Variants in SLC35F1 observed in about 807,000 individuals in gnomAD.
SLC35F1 encodes chromosome 6 open reading frame 169.
In SLC35F1, 14 loss-of-function variants were observed where a neutral mutation model predicts 48.7. The observed-to-expected ratio is 0.29, with a 90% confidence interval of 0.19 to 0.45. The LOEUF (loss-of-function observed/expected upper bound fraction) is 0.45, where lower values mean the gene tolerates loss of function less well. SLC35F1 is among the 20% of genes least tolerant of loss of function. The probability of loss-of-function intolerance (pLI) is 1.00; values close to 1 mark genes in which losing one functional copy is unlikely to be tolerated. For missense variants in SLC35F1, 404 were observed against 500.0 expected (o/e 0.81, Z 1.83); for synonymous variants, 190 against 202.2 (o/e 0.94, Z 0.51).
At chr6:118,068,069 GAGA>G (rs1273166365) in intron 1 of SLC35F1, among the ~76,000 whole-genome samples, 1 of 152,120 alleles carries the variant, frequency 6.6e-6, no homozygotes, top group Non-Finnish European at 1.5e-5. Context: ...CTGAGGGGAG[GAGA>G]AGAAGGTTCT....
chr6:118,035,659 A>G (rs1249516955), intron 1 of SLC35F1, among the ~76,000 whole-genome samples: 1 of 142,412 alleles, frequency 7.0e-6, no homozygotes, highest in African/African-American at 2.6e-5. Flanking sequence ...AACCAAAAAA[A>G]CCCCCAACAT....
At chr6:118,002,638 A>T (rs892336064) in intron 1 of SLC35F1, among the ~76,000 whole-genome samples, 1 of 151,914 alleles carries the variant, frequency 6.6e-6, no homozygotes, top group African/African-American at 2.4e-5. Context: ...ATAAAAAAAG[A>T]ATTTCTTTCT....
intron 1 of SLC35F1, among the ~76,000 whole-genome samples, chr6:118,108,960 A>G (rs12194270): frequency 0.21 from 31,217 of 152,124 alleles, 3,404 homozygotes; most frequent in East Asian, 0.32. Context: ...CTTTGAAGGC[A>G]TTTCTTCTGG....
intron 1 of SLC35F1, among the ~76,000 whole-genome samples, chr6:117,930,259 G>A (rs915177913): frequency 2.6e-5 from 4 of 152,130 alleles, no homozygotes; most frequent in African/African-American, 9.7e-5. Flanking sequence ...ATGTTGTCTG[G>A]ACTCTACATT....
At chr6:118,115,958 T>G (rs1383686224) in intron 1 of SLC35F1, among the ~76,000 whole-genome samples, 2 of 152,228 alleles carry the variant, frequency 1.3e-5, no homozygotes, top group African/African-American at 4.8e-5. Flanking sequence ...CAATATGTGT[T>G]TCTTTTTTAT....
At chr6:118,248,433 C>A (rs760462868) in intron 3 of SLC35F1, among the ~76,000 whole-genome samples, 4 of 152,138 alleles carry the variant, frequency 2.6e-5, no homozygotes, top group Non-Finnish European at 5.9e-5. Context: ...ATGTGGGTGA[C>A]CTCAATGTAA....
At position 117,907,807 on chromosome 6, in the gene SLC35F1, G is replaced by C. The variant is rs778517176; in HGVS notation, c.81G>C (p.Glu27Asp). ...CGAACCATGTGGTGACCACCATCGA[G>C]AACCTGCCGGCCGAGGGCAGCGGCG... ...APPNHVVTTIENLPAEGSGGG... is the reference protein window; with the variant it reads ...APPNHVVTTIDNLPAEGSGGG... The change falls in exon 1 of 8, where the codon GAG becomes GAC. Residue 27 changes from glutamate to aspartate, a missense_variant. Coordinates refer to ENST00000360388, the MANE Select transcript of SLC35F1 (RefSeq NM_001029858.4). 1 of 1,555,430 alleles carries C rather than the reference G, an allele frequency of 6.4e-7. No individual in the cohort carries two copies. Among genetic ancestry groups the C allele is most frequent in the Non-Finnish European group, 8.6e-7 (1 of 1,160,226 alleles).
At chr6:118,252,398 A>G (rs188070862) in intron 3 of SLC35F1, among the ~76,000 whole-genome samples, 40 of 152,232 alleles carry the variant, frequency 2.6e-4, no homozygotes, top group Middle Eastern at 3.4e-3. Context: ...AGAAAAGAAA[A>G]AGAGCCAAGA....
intron 1 of SLC35F1, among the ~76,000 whole-genome samples, chr6:117,909,035 C>G (rs1775731805): frequency 6.6e-6 from 1 of 152,290 alleles, no homozygotes; most frequent in South Asian, 2.1e-4. Flanking sequence ...TTAGTTATAT[C>G]AAATCCCGAA....
chr6:118,234,185 T>C (rs1473366460), intron 2 of SLC35F1, among the ~76,000 whole-genome samples: 1 of 152,178 alleles, frequency 6.6e-6, no homozygotes, highest in African/African-American at 2.4e-5. Flanking sequence ...TGTCACTGTT[T>C]AGGCAGCCTC....
chr6:118,263,435 A>C (rs1452447688), intron 3 of SLC35F1, among the ~76,000 whole-genome samples: 1 of 152,202 alleles, frequency 6.6e-6, no homozygotes, highest in African/African-American at 2.4e-5. Context: ...AGGAGAATAA[A>C]ATTCGTTTAA....
intron 1 of SLC35F1, among the ~76,000 whole-genome samples, chr6:118,111,114 A>G (rs1414468717): frequency 6.6e-6 from 1 of 152,204 alleles, no homozygotes; most frequent in African/African-American, 2.4e-5. Flanking sequence ...TAAAAGGTAT[A>G]TCATACATGT....
chr6:118,076,329 A>G (rs1020664206), intron 1 of SLC35F1, among the ~76,000 whole-genome samples: 5 of 152,144 alleles, frequency 3.3e-5, no homozygotes, highest in African/African-American at 1.2e-4. Flanking sequence ...ATTGTTTCCA[A>G]CATTGTTGGT....
intron 1 of SLC35F1, among the ~76,000 whole-genome samples, chr6:118,012,859 A>G (rs1253642385): frequency 6.6e-6 from 1 of 152,184 alleles, no homozygotes; most frequent in Non-Finnish European, 1.5e-5. Flanking sequence ...TTTCCAAGCA[A>G]CATCTTTTGC....
intron 3 of SLC35F1, among the ~76,000 whole-genome samples, chr6:118,265,395 G>A (rs572706071): frequency 1.3e-5 from 2 of 152,246 alleles, no homozygotes; most frequent in East Asian, 3.9e-4. Flanking sequence ...TGCTAATTAA[G>A]TACTATTACA....
chr6:118,080,727 C>T (rs1258967559), intron 1 of SLC35F1, among the ~76,000 whole-genome samples: 1 of 152,146 alleles, frequency 6.6e-6, no homozygotes, highest in Non-Finnish European at 1.5e-5. Flanking sequence ...GGAGTCCTTA[C>T]TGTGCTTGGA....
chr6:117,996,667 C>A (rs9374694), intron 1 of SLC35F1, among the ~76,000 whole-genome samples: 36,139 of 152,036 alleles, frequency 0.24, 4,420 homozygotes, highest in East Asian at 0.3. Context: ...TACCCAGGCA[C>A]ACAGGGTCTG....
chr6:117,948,047 A>G (rs1273679903), intron 1 of SLC35F1, among the ~76,000 whole-genome samples: 2 of 152,200 alleles, frequency 1.3e-5, no homozygotes, highest in Non-Finnish European at 2.9e-5. Context: ...GTGTATTACT[A>G]GATTTAATTC....
At chr6:118,070,997 T>TATATATATTCTAC (rs1562280849) in intron 1 of SLC35F1, among the ~76,000 whole-genome samples, 1 of 636 alleles carries the variant, frequency 1.6e-3, no homozygotes, top group Admixed American at 0.015. Flanking sequence ...TCTACGTGTG[T>TATATATATTCTAC]GTATATATAT....
Sources: allele counts gnomAD v4.1 joint callset (sites outside exome capture counted in the v4.1 genomes callset), GRCh38; gene constraint gnomAD v4.1.1; transcripts MANE v1.5; gene names NCBI Gene and HGNC (gene_info 2026-07-23, HGNC 2026-07-21).